Variants in BBS9 observed in about 807,000 individuals in gnomAD.
The protein encoded by BBS9 is protein PTHB1.
Under a neutral mutation model 117.7 loss-of-function variants are expected in BBS9, and 89 were observed. The observed-to-expected ratio is 0.76, with a 90% confidence interval of 0.64 to 0.90. The LOEUF is 0.90. Among genes scored for constraint, BBS9 ranks in the 40% least tolerant of loss-of-function variants. BBS9 has a pLI of 0.00. For missense variants in BBS9, 982 were observed against 1,042.2 expected, an observed-to-expected ratio of 0.94 and a Z score of 0.80; for synonymous variants, 379 against 370.9, an observed-to-expected ratio of 1.02 and a Z score of -0.25.
At chr7:33,319,960 A>G (rs1483509994) in intron 9 of BBS9, among the ~76,000 whole-genome samples, 2 of 152,152 alleles carry the variant, frequency 1.3e-5, no homozygotes, top group Non-Finnish European at 2.9e-5. Flanking sequence ...ATAAAAAAGT[A>G]TTTTTAATTT....
intron 5 of BBS9, among the ~76,000 whole-genome samples, chr7:33,190,356 C>CA (rs1368331803): frequency 1.3e-5 from 2 of 152,264 alleles, no homozygotes; most frequent in South Asian, 2.1e-4. Flanking sequence ...ACACACAACT[C>CA]AAGAGTTAAA....
At chr7:33,298,304 T>C (rs1252755135) in intron 9 of BBS9, among the ~76,000 whole-genome samples, 3 of 152,166 alleles carry the variant, frequency 2.0e-5, no homozygotes, top group Non-Finnish European at 4.4e-5. Flanking sequence ...GCTATTTAAG[T>C]TCTCTGTGCC....
rs201605442 is a variant in BBS9 at position 33,611,457 on chromosome 7, TATA to T, written c.2522-23710_2522-23708del. On this transcript the variant is annotated intron_variant, in intron 21 of 21. Transcript: ENST00000671952. ...TCTTCTTTAATATTATAATATTTAA[TATA>T]ATAATAATATAATATATTATAATAA... Among the ~76,000 whole-genome samples, 61 of 140,860 alleles carry T rather than the reference TATA, an allele frequency of 4.3e-4. No individual in the cohort carries two copies. The South Asian group carries it at 4.4e-3, about 10-fold the overall frequency. The allele number at this position is 140,860 out of a possible 152,430, so 92.4% of individuals were successfully genotyped here. A position where few individuals can be genotyped will look rare whatever the true frequency, so the allele number is the denominator to read the frequency against.
downstream of BBS9, among the ~76,000 whole-genome samples, chr7:33,610,979 G>A (rs1312730521): frequency 6.6e-6 from 1 of 151,968 alleles, no homozygotes; most frequent in Non-Finnish European, 1.5e-5. Context: ...GTCCCAAAAG[G>A]GACTGAGTCA....
chr7:33,601,647 C>T (rs1028054205), intron 21 of BBS9, among the ~76,000 whole-genome samples: 7 of 152,102 alleles, frequency 4.6e-5, no homozygotes, highest in Admixed American at 4.6e-4. Flanking sequence ...TCCTGTTCGG[C>T]TGGTGTGATC....
chr7:33,392,079 A>C (rs1306739094), intron 19 of BBS9, among the ~76,000 whole-genome samples: 1 of 152,200 alleles, frequency 6.6e-6, no homozygotes, highest in Non-Finnish European at 1.5e-5. Context: ...GTGAGAATCT[A>C]ATCTCCCTGC....
chr7:33,177,890 A>G (rs917483656), intron 5 of BBS9: 1 of 310,314 alleles, frequency 3.2e-6, no homozygotes, highest in South Asian at 3.9e-5. Context: ...TTTGATTTTT[A>G]TATAACCAGC....
At chr7:33,454,436 C>T (rs1469017917) in intron 19 of BBS9, among the ~76,000 whole-genome samples, 1 of 152,208 alleles carries the variant, frequency 6.6e-6, no homozygotes, top group Non-Finnish European at 1.5e-5. Context: ...CAAAGGCTTA[C>T]TCTTAGAGGA....
At chr7:33,635,364 C>T (rs1866094545) in exon 22 of BBS9, among the ~76,000 whole-genome samples, 1 of 152,192 alleles carries the variant, frequency 6.6e-6, no homozygotes, top group Non-Finnish European at 1.5e-5. Context: ...ATGCGAGGAA[C>T]ACAGGGATCT....
chr7:33,478,756 G>A (rs1434027562), intron 19 of BBS9, among the ~76,000 whole-genome samples: 1 of 151,602 alleles, frequency 6.6e-6, no homozygotes, highest in Non-Finnish European at 1.5e-5. Context: ...ATTAGAGCCA[G>A]ATATTTTATT....
At position 33,623,884 on chromosome 7, in the gene BBS9, T is replaced by A. The variant is rs142443520; in HGVS notation, c.2522-11293T>A. 5.8e-4 allele frequency among the ~76,000 whole-genome samples: 88 copies of A among 152,268 alleles called. 1 individual carries two copies. The East Asian group carries it at 0.015, about 26-fold the overall frequency. ...AAAATTTTTAAATTGAGGTTACTTC[T>A]TGGAAGTTGAGGAGAGAGAAAATAC... On this transcript the variant is annotated intron_variant, in intron 21 of 21. Transcript: ENST00000671952.
At chr7:33,554,074 G>A (rs73109650) in intron 21 of BBS9, among the ~76,000 whole-genome samples, 14,678 of 151,978 alleles carry the variant, frequency 0.097, 826 homozygotes, top group African/African-American at 0.15. Flanking sequence ...GTTAAAGGCC[G>A]GGAGGGGAGA....
chr7:33,579,202 A>G (rs991930614), intron 21 of BBS9, among the ~76,000 whole-genome samples: 2 of 152,196 alleles, frequency 1.3e-5, no homozygotes, highest in African/African-American at 4.8e-5. Context: ...CTTGGAATTC[A>G]TCCTGCCCTT....
intron 9 of BBS9, among the ~76,000 whole-genome samples, chr7:33,277,479 C>G (rs1800985459): frequency 6.6e-6 from 1 of 152,172 alleles, no homozygotes. Flanking sequence ...CAGACAGGTT[C>G]TTTCTGCCTG....
intron 9 of BBS9, among the ~76,000 whole-genome samples, chr7:33,332,057 A>G (rs929153539): frequency 6.6e-6 from 1 of 152,202 alleles, no homozygotes; most frequent in Non-Finnish European, 1.5e-5. Context: ...AAATTATACT[A>G]CAAGGCTGTA....
chr7:33,503,256 G>A (rs1262587513), intron 19 of BBS9, among the ~76,000 whole-genome samples: 1 of 152,142 alleles, frequency 6.6e-6, no homozygotes, highest in East Asian at 1.9e-4. Flanking sequence ...GTCAAAGCTC[G>A]AGCACAGTTT....
At chr7:33,172,117 A>G (rs1338914166) in intron 4 of BBS9, among the ~76,000 whole-genome samples, 1 of 152,074 alleles carries the variant, frequency 6.6e-6, no homozygotes. Context: ...GTGGTGGCTC[A>G]CACCTGTAAT....
chr7:33,543,034 C>T (rs574994891), intron 21 of BBS9, among the ~76,000 whole-genome samples: 26 of 152,184 alleles, frequency 1.7e-4, no homozygotes, highest in African/African-American at 5.5e-4. Context: ...AAGGAATCTC[C>T]ACACTGTTTC....
intron 19 of BBS9, among the ~76,000 whole-genome samples, chr7:33,454,431 G>T (rs1447283682): frequency 1.3e-5 from 2 of 152,148 alleles, no homozygotes; most frequent in South Asian, 4.1e-4. Context: ...CTATCCAAAG[G>T]CTTACTCTTA....
Sources: gnomAD v4.1 joint callset for allele counts (sites outside exome capture counted in the v4.1 genomes callset) on GRCh38, gnomAD v4.1.1 for gene constraint, MANE v1.5 for transcripts, NCBI Gene and HGNC (gene_info 2026-07-23, HGNC 2026-07-21) for gene names.